FBXO42: variants seen among roughly 807,000 people sequenced by gnomAD.
FBXO42 encodes the protein F-box only protein 42.
Under a neutral mutation model 71.7 loss-of-function variants are expected in FBXO42, and 12 were observed. The observed-to-expected ratio is 0.17, with a 90% CI of 0.11 to 0.27. The LOEUF (loss-of-function observed/expected upper bound fraction) is 0.27. FBXO42 is among the 10% of genes least tolerant of loss of function. The probability of loss-of-function intolerance (pLI) is 1.00; values close to 1 mark genes in which losing one functional copy is unlikely to be tolerated. For synonymous variants in FBXO42, 325 were observed against 327.5 expected (o/e 0.99, Z 0.08); for missense variants, 707 against 911.9 (o/e 0.78, Z 2.89).
rs567561594 is a variant in FBXO42 at position 16,270,932 on chromosome 1, G to A, written c.503-14173C>T. Among the ~76,000 whole-genome samples, 308 of 151,638 alleles carry A rather than the reference G, an allele frequency of 2.0e-3. 1 individual carries two copies. The highest frequency in any genetic ancestry group is 3.2e-3 in the Non-Finnish European group (215 of 67,872). The stretch of plus-strand genomic sequence containing the variant: ...AAGACAGTGTGACATATGGTGATAA[G>A]TGCCAAGGGGGGAAAAAAAAAACAA... On this transcript the variant is annotated intron_variant, in intron 4 of 9. Transcript: ENST00000375592.
intron 1 of FBXO42, among the ~76,000 whole-genome samples, chr1:16,325,654 C>CT (rs956030858): frequency 8.6e-5 from 13 of 151,700 alleles, no homozygotes; most frequent in South Asian, 2.1e-4. Context: ...AATATACTTT[C>CT]TTTTTTTTGT....
rs144698838 is a variant in FBXO42 at position 16,279,854 on chromosome 1, C to CTTTTCTTTT, written c.502+14928_502+14929insAAAAGAAAA. Among the ~76,000 whole-genome samples, 57 of 138,182 alleles carry CTTTTCTTTT rather than the reference C, an allele frequency of 4.1e-4. 12 individuals are homozygous for CTTTTCTTTT. Among genetic ancestry groups the CTTTTCTTTT allele is most frequent in the Non-Finnish European group, 6.1e-4 (40 of 65,400 alleles). 90.7% of individuals were successfully genotyped at this position (138,182 alleles called of 152,430 possible). A position where few individuals can be genotyped will look rare whatever the true frequency, so the allele number is the denominator to read the frequency against. On this transcript the variant is annotated intron_variant, in intron 4 of 9. Coordinates refer to ENST00000375592, the MANE Select transcript of FBXO42 (RefSeq NM_018994.3). ...TCATGTTGACAATGGTTTTTTTTTT[C>CTTTTCTTTT]TTTTTTTTTTGAGACAGAGTCTTGC...
intron 4 of FBXO42, among the ~76,000 whole-genome samples, chr1:16,270,674 C>CAAAAAAAAAAAAAAAA (rs34861558): frequency 6.7e-5 from 1 of 14,906 alleles, no homozygotes; most frequent in Non-Finnish European, 1.2e-4. Flanking sequence ...CTCTGTCTCT[C>CAAAAAAAAAAAAAAAA]AAAAAAAAAA....
chr1:16,286,965 C>T (rs2082028096), intron 4 of FBXO42, among the ~76,000 whole-genome samples: 1 of 152,214 alleles, frequency 6.6e-6, no homozygotes, highest in Non-Finnish European at 1.5e-5. Context: ...CTATCATTTT[C>T]AGCCTAGATT....
chr1:16,288,701 T>C (rs1222203716), intron 4 of FBXO42, among the ~76,000 whole-genome samples: 1 of 152,148 alleles, frequency 6.6e-6, no homozygotes, highest in Non-Finnish European at 1.5e-5. Flanking sequence ...CTCATGCCTG[T>C]AATCCCAGCA....
chr1:16,326,036 G>A (rs2082446259), intron 1 of FBXO42, among the ~76,000 whole-genome samples: 1 of 150,706 alleles, frequency 6.6e-6, no homozygotes, highest in African/African-American at 2.4e-5. Flanking sequence ...GTGTGTGTGT[G>A]TGTGTGTGTG....
chr1:16,343,471 G>C (rs1252338460), intron 1 of FBXO42, among the ~76,000 whole-genome samples: 2 of 152,070 alleles, frequency 1.3e-5, no homozygotes, highest in Non-Finnish European at 2.9e-5. Context: ...ACTTGAGCCT[G>C]GGAGGGAGAG....
At chr1:16,315,507 C>T (rs1287649270) in intron 1 of FBXO42, 72 bp from the exon 2 acceptor site, 12 of 1,465,526 alleles carry the variant, frequency 8.2e-6, no homozygotes, top group Non-Finnish European at 1.1e-5. Flanking sequence ...CATGTACATC[C>T]AAGCTCTTTG....
chr1:16,305,699 G>A (rs923933008), intron 3 of FBXO42, 104 bp downstream of exon 3: 5 of 954,406 alleles, frequency 5.2e-6, no homozygotes, highest in Non-Finnish European at 5.1e-6. Flanking sequence ...GGGTGATAGA[G>A]TGAGACCTTG....
chr1:16,256,537 A>AT, intron 5 of FBXO42, 69 bp downstream of exon 5: 1 of 1,547,134 alleles, frequency 6.5e-7, no homozygotes, highest in Non-Finnish European at 8.8e-7. Context: ...TCTTGACACA[A>AT]AAAAACAAAG....
intron 1 of FBXO42, among the ~76,000 whole-genome samples, chr1:16,321,249 G>A (rs1001338437): frequency 3.9e-5 from 6 of 152,186 alleles, no homozygotes; most frequent in African/African-American, 1.4e-4. Context: ...ATGCCAAGGA[G>A]AACACACATG....
At chr1:16,326,044 G>GTGTGTGTC (rs1406695935) in intron 1 of FBXO42, among the ~76,000 whole-genome samples, 1 of 150,088 alleles carries the variant, frequency 6.7e-6, no homozygotes, top group South Asian at 2.1e-4. Flanking sequence ...GTGTGTGTGT[G>GTGTGTGTC]TGTGTCTGTG....
chr1:16,315,529 C>T (rs1397548769), intron 1 of FBXO42, 94 bp from the exon 2 acceptor site: 12 of 1,299,996 alleles, frequency 9.2e-6, no homozygotes, highest in African/African-American at 2.9e-5. Flanking sequence ...AATTTCGTTT[C>T]CACTCTCAGT....
At chr1:16,316,463 C>T (rs1282952262) in intron 1 of FBXO42, among the ~76,000 whole-genome samples, 2 of 151,718 alleles carry the variant, frequency 1.3e-5, no homozygotes, top group Non-Finnish European at 2.9e-5. Context: ...TGGTTGGGTG[C>T]AGTGGCTCAC....
At chr1:16,340,215 T>C (rs762170608) in intron 1 of FBXO42, among the ~76,000 whole-genome samples, 14 of 151,342 alleles carry the variant, frequency 9.3e-5, no homozygotes, top group Non-Finnish European at 1.3e-4. Context: ...AAAAATCACC[T>C]AGCAGGTAGA....
chr1:16,319,239 C>G (rs1225702320), intron 1 of FBXO42, among the ~76,000 whole-genome samples: 1 of 152,100 alleles, frequency 6.6e-6, no homozygotes, highest in Non-Finnish European at 1.5e-5. Context: ...AAGTGACAGA[C>G]CGGGGAGAGC....
At chr1:16,334,440 A>C (rs1468561284) in intron 1 of FBXO42, among the ~76,000 whole-genome samples, 1 of 150,464 alleles carries the variant, frequency 6.6e-6, no homozygotes, top group South Asian at 2.1e-4. Flanking sequence ...AAAAAAAAAA[A>C]CAGACTGATT....
At chr1:16,335,064 A>C (rs112336712) in intron 1 of FBXO42, among the ~76,000 whole-genome samples, 17 of 33,086 alleles carry the variant, frequency 5.1e-4, no homozygotes, top group Non-Finnish European at 1.1e-3. Flanking sequence ...TCGTCTGTAC[A>C]AAAAAAAAAA....
chr1:16,303,172 A>T (rs1283505010), intron 3 of FBXO42, among the ~76,000 whole-genome samples: 5 of 152,208 alleles, frequency 3.3e-5, no homozygotes, highest in African/African-American at 9.6e-5. Context: ...GCAGTGAGTC[A>T]GGCTGAAAAG....
Sources: allele counts gnomAD v4.1 joint callset (sites outside exome capture counted in the v4.1 genomes callset), GRCh38; gene constraint gnomAD v4.1.1; transcripts MANE v1.5; gene names NCBI Gene and HGNC (gene_info 2026-07-23, HGNC 2026-07-21).